The following MIS18A variants were observed in gnomAD, a reference collection of about 807,000 sequenced individuals.
The protein encoded by MIS18A is MIS18 kinetochore protein A, also known as protein Mis18-alpha.
In MIS18A, 14 loss-of-function variants were observed where a neutral mutation model predicts 25.0. The observed-to-expected ratio is 0.56, with a 90% CI of 0.37 to 0.88. The LOEUF (loss-of-function observed/expected upper bound fraction) is 0.88, where lower values mean the gene tolerates loss of function less well. Ranked by LOEUF, MIS18A falls within the 40% of genes least tolerant of loss-of-function variation. MIS18A has a pLI of 0.00. For synonymous variants in MIS18A, 134 were observed against 118.6 expected, an observed-to-expected ratio of 1.13 and a Z score of -0.84; for missense variants, 292 against 290.8, an observed-to-expected ratio of 1.00 and a Z score of -0.03.
chr21:32,251,309 T>C, the MIS18A span, among the ~76,000 whole-genome samples: 1 of 152,178 alleles, frequency 6.6e-6, no homozygotes, highest in Non-Finnish European at 1.5e-5. Context: ...TTTTTGTGGC[T>C]CTTAAATGTA....
the MIS18A span, among the ~76,000 whole-genome samples, chr21:32,231,209 C>A: frequency 1.4e-5 from 2 of 147,538 alleles, no homozygotes; most frequent in Non-Finnish European, 1.5e-5. Flanking sequence ...GCACTCCAGC[C>A]TAGGCGACAC....
chr21:32,265,866 T>C, downstream of MIS18A, among the ~76,000 whole-genome samples: 1 of 152,160 alleles, frequency 6.6e-6, no homozygotes, highest in East Asian at 1.9e-4. Context: ...CAGCACCCTG[T>C]GTTTAGCTCA....
At chr21:32,208,414 C>A in the MIS18A span, among the ~76,000 whole-genome samples, 1 of 152,198 alleles carries the variant, frequency 6.6e-6, no homozygotes, top group African/African-American at 2.4e-5. Context: ...AGACCTCCCC[C>A]CTCTCTTGCC....
At chr21:32,226,773 A>G in the MIS18A span, among the ~76,000 whole-genome samples, 1 of 152,206 alleles carries the variant, frequency 6.6e-6, no homozygotes. Context: ...CATCTACAGA[A>G]CACTTCAGAA....
rs192524969 is a variant in MIS18A at position 32,268,452 on chromosome 21, A to G, written c.*585T>C. 65 of 152,340 alleles carry G rather than the reference A, an allele frequency of 4.3e-4. No individual in the cohort carries two copies. Among genetic ancestry groups the G allele is most frequent in the African/African-American group, 1.6e-3 (65 of 41,572 alleles). 9.4% of individuals were successfully genotyped at this position (152,340 alleles called of 1,614,324 possible). A position where few individuals can be genotyped will look rare whatever the true frequency, so the allele number is the denominator to read the frequency against. The stretch of plus-strand genomic sequence containing the variant: ...GCAACTGCTCTTGAGCAAGTTTTCA[A>G]ATGGTTCTGACAGATCATTCTGACC... On this transcript the variant is annotated 3_prime_UTR_variant, in exon 5 of 5. Coordinates refer to ENST00000290130, the MANE Select transcript of MIS18A (RefSeq NM_018944.3).
At chr21:32,176,617 T>C in the MIS18A span, among the ~76,000 whole-genome samples, 7 of 151,486 alleles carry the variant, frequency 4.6e-5, no homozygotes, top group African/African-American at 1.7e-4. Flanking sequence ...TATTAGAAAA[T>C]AAGAAAGGCT....
the MIS18A span, among the ~76,000 whole-genome samples, chr21:32,217,177 G>A: frequency 2.0e-5 from 3 of 151,984 alleles, no homozygotes; most frequent in African/African-American, 7.3e-5. Context: ...AGACATACTA[G>A]ACAAGGACTT....
chr21:32,206,375 G>T, the MIS18A span, among the ~76,000 whole-genome samples: 1 of 152,222 alleles, frequency 6.6e-6, no homozygotes, highest in African/African-American at 2.4e-5. Flanking sequence ...CAGTCTCTTT[G>T]TATAGACTGG....
At chr21:32,252,128 G>C in the MIS18A span, among the ~76,000 whole-genome samples, 1 of 151,926 alleles carries the variant, frequency 6.6e-6, no homozygotes, top group Non-Finnish European at 1.5e-5. Flanking sequence ...TGACACTGCA[G>C]TGAACTAAGA....
chr21:32,167,954 C>T, the MIS18A span, among the ~76,000 whole-genome samples: 3 of 152,064 alleles, frequency 2.0e-5, no homozygotes, highest in South Asian at 4.2e-4. Flanking sequence ...ATTGTGTCCC[C>T]CCAAAATTCT....
At chr21:32,207,548 T>C in the MIS18A span, among the ~76,000 whole-genome samples, 1 of 152,166 alleles carries the variant, frequency 6.6e-6, no homozygotes, top group Non-Finnish European at 1.5e-5. Context: ...CATGTTGCCA[T>C]ATCATGCATT....
At chr21:32,254,920 CGA>C in the MIS18A span, among the ~76,000 whole-genome samples, 1 of 152,002 alleles carries the variant, frequency 6.6e-6, no homozygotes, top group African/African-American at 2.4e-5. Flanking sequence ...TACATAACGC[CGA>C]GAGTTTGGTT....
chr21:32,223,027 C>G, the MIS18A span, among the ~76,000 whole-genome samples: 1 of 151,474 alleles, frequency 6.6e-6, no homozygotes, highest in Non-Finnish European at 1.5e-5. Flanking sequence ...TGAATGACTA[C>G]TGGGTAAATA....
chr21:32,201,255 T>A, the MIS18A span, among the ~76,000 whole-genome samples: 1 of 150,952 alleles, frequency 6.6e-6, no homozygotes, highest in African/African-American at 2.4e-5. Flanking sequence ...CCAAAACACT[T>A]CCCACCAGGC....
At chr21:32,271,807 C>G (rs189858996) in intron 2 of MIS18A, among the ~76,000 whole-genome samples, 1 of 152,266 alleles carries the variant, frequency 6.6e-6, no homozygotes, top group East Asian at 1.9e-4. Context: ...AAATTACTCA[C>G]AGTGAACAGG....
At chr21:32,232,323 G>A in the MIS18A span, among the ~76,000 whole-genome samples, 86 of 151,370 alleles carry the variant, frequency 5.7e-4, no homozygotes, top group African/African-American at 1.9e-3. Context: ...TATAGATATA[G>A]CTATATAGAT....
At chr21:32,176,993 A>G in the MIS18A span, among the ~76,000 whole-genome samples, 93,774 of 151,764 alleles carry the variant, frequency 0.62, 30,434 homozygotes, top group African/African-American at 0.83. Flanking sequence ...AAAAGACAGT[A>G]AGAAAGAGAG....
chr21:32,186,402 T>C, the MIS18A span, among the ~76,000 whole-genome samples: 1 of 152,238 alleles, frequency 6.6e-6, no homozygotes, highest in Admixed American at 6.5e-5. Context: ...TATGTTCTTT[T>C]CTTCTCCCTA....
At chr21:32,230,030 C>T in the MIS18A span, among the ~76,000 whole-genome samples, 9 of 152,150 alleles carry the variant, frequency 5.9e-5, no homozygotes, top group Non-Finnish European at 1.0e-4. Flanking sequence ...TCTATCTGAC[C>T]TCATCAACAA....
Sources: gnomAD v4.1 joint callset for allele counts (sites outside exome capture counted in the v4.1 genomes callset) on GRCh38, gnomAD v4.1.1 for gene constraint, MANE v1.5 for transcripts, NCBI Gene and HGNC (gene_info 2026-07-23, HGNC 2026-07-21) for gene names.